Variants in SLC8A3 observed in about 807,000 individuals in gnomAD.
SLC8A3 encodes the protein solute carrier family 8 member A3, also known as sodium/calcium exchanger 3.
In SLC8A3, 37 loss-of-function variants were observed where a neutral mutation model predicts 65.4. The ratio of observed to expected loss-of-function variants is 0.57; its 90% CI spans 0.44 to 0.74. The LOEUF (loss-of-function observed/expected upper bound fraction) is 0.74. SLC8A3 is among the 30% of genes least tolerant of loss of function. The probability of loss-of-function intolerance (pLI) is 0.00; values close to 1 mark genes in which losing one functional copy is unlikely to be tolerated. For synonymous variants in SLC8A3, 461 were observed against 444.5 expected (o/e 1.04, Z -0.47); for missense variants, 1,112 against 1,172.1 (o/e 0.95, Z 0.75).
At chr14:70,108,922 C>G (rs1277297888) in intron 2 of SLC8A3, among the ~76,000 whole-genome samples, 1 of 152,162 alleles carries the variant, frequency 6.6e-6, no homozygotes, top group African/African-American at 2.4e-5. Context: ...GCCTAGACTG[C>G]TCTTTCACCA....
At chr14:70,161,214 C>T (rs1013089943) in intron 2 of SLC8A3, among the ~76,000 whole-genome samples, 7 of 126,826 alleles carry the variant, frequency 5.5e-5, no homozygotes, top group Non-Finnish European at 1.6e-5. Flanking sequence ...GGCGTGAACC[C>T]GGGAGGCAGA....
chr14:70,147,986 C>T (rs939109172), intron 2 of SLC8A3, among the ~76,000 whole-genome samples: 1 of 152,190 alleles, frequency 6.6e-6, no homozygotes, highest in Non-Finnish European at 1.5e-5. Flanking sequence ...ATTCCTGACT[C>T]AGGATGGTTC....
At chr14:70,175,754 A>C (rs1423554673) in intron 1 of SLC8A3, among the ~76,000 whole-genome samples, 3 of 108,882 alleles carry the variant, frequency 2.8e-5, no homozygotes, top group African/African-American at 3.9e-5. Flanking sequence ...TTTTTTTTTG[A>C]GAGGCAGTTT....
intron 1 of SLC8A3, among the ~76,000 whole-genome samples, chr14:70,179,673 G>C (rs1375328939): frequency 6.6e-6 from 1 of 152,204 alleles, no homozygotes; most frequent in Non-Finnish European, 1.5e-5. Flanking sequence ...CCTTCTCCCA[G>C]TCTTAGTCCT....
intron 2 of SLC8A3, among the ~76,000 whole-genome samples, chr14:70,165,245 A>G (rs1021440599): frequency 1.3e-5 from 2 of 152,224 alleles, no homozygotes; most frequent in African/African-American, 2.4e-5. Flanking sequence ...GGGATTGAGT[A>G]AGAACAGATG....
intron 2 of SLC8A3, among the ~76,000 whole-genome samples, chr14:70,102,927 AT>A (rs1892634198): frequency 3.9e-5 from 6 of 152,018 alleles, no homozygotes; most frequent in Admixed American, 6.5e-5. Flanking sequence ...TCGCTGAGAA[AT>A]AAAAAGCTCA....
In SLC8A3 at chr14:70,048,481, A is replaced by C. The variant is rs1887053058; in HGVS notation, c.2389+286T>G. The C allele has an allele frequency of 8.3e-6, 5 of 605,146 alleles. No homozygotes were observed. In the South Asian group the frequency reaches 1.0e-4, roughly 12 times the overall value. 37.5% of individuals were successfully genotyped at this position (605,146 alleles called of 1,614,324 possible). A position where few individuals can be genotyped will look rare whatever the true frequency, so the allele number is the denominator to read the frequency against. On this transcript the variant is annotated intron_variant, in intron 6 of 6. Coordinates refer to ENST00000356921, the MANE Select transcript of SLC8A3 (RefSeq NM_182932.3). The stretch of plus-strand genomic sequence containing the variant: ...TCTTTGTCTGTGAAGTGGGGATAAT[A>C]ACTTACCCTATTTAATAGGGCTTTG...
intron 2 of SLC8A3, among the ~76,000 whole-genome samples, chr14:70,133,953 A>T (rs1895023576): frequency 6.6e-6 from 1 of 152,116 alleles, no homozygotes; most frequent in Non-Finnish European, 1.5e-5. Context: ...CCCAGGGGTC[A>T]ACTTCCCCTC....
chr14:70,144,151 C>T (rs538070439), intron 2 of SLC8A3, among the ~76,000 whole-genome samples: 33 of 152,148 alleles, frequency 2.2e-4, no homozygotes, highest in Non-Finnish European at 2.9e-4. Flanking sequence ...ACCCAGACAA[C>T]GTGGATTGAA....
At chr14:70,174,662 G>T (rs79489687) in intron 1 of SLC8A3, among the ~76,000 whole-genome samples, 14,750 of 64,348 alleles carry the variant, frequency 0.23, 1,122 homozygotes, top group African/African-American at 0.34. Flanking sequence ...TTTTTTTTTT[G>T]TTTTTTTTTT....
chr14:70,130,668 G>A (rs1381493795), intron 2 of SLC8A3, among the ~76,000 whole-genome samples: 1 of 152,210 alleles, frequency 6.6e-6, no homozygotes, highest in African/African-American at 2.4e-5. Flanking sequence ...AATAACAACA[G>A]TCCATCTTGG....
chr14:70,166,585 A>C, intron 2 of SLC8A3, 54 bp downstream of exon 2: 1 of 1,024,876 alleles, frequency 9.8e-7, no homozygotes, highest in South Asian at 1.5e-5. Flanking sequence ...AAAGACAGAA[A>C]GAGATGGCAA....
intron 2 of SLC8A3, among the ~76,000 whole-genome samples, chr14:70,136,640 A>G (rs1052078389): frequency 2.0e-5 from 3 of 152,186 alleles, no homozygotes; most frequent in African/African-American, 4.8e-5. Context: ...AACCATCACC[A>G]TATCAGAGAG....
At chr14:70,132,327 T>G (rs1285751059) in intron 2 of SLC8A3, among the ~76,000 whole-genome samples, 1 of 152,206 alleles carries the variant, frequency 6.6e-6, no homozygotes, top group Non-Finnish European at 1.5e-5. Flanking sequence ...TTGCACTCTT[T>G]TAGTATTTGA....
chr14:70,148,393 T>C (rs1164695344), intron 2 of SLC8A3, among the ~76,000 whole-genome samples: 1 of 152,184 alleles, frequency 6.6e-6, no homozygotes, highest in Non-Finnish European at 1.5e-5. Flanking sequence ...TGCTTGCTTG[T>C]TTAGTTGGCA....
At position 70,167,027 on chromosome 14, in the gene SLC8A3, C is replaced by A. The variant is rs755672807; in HGVS notation, c.1396G>T (p.Val466Leu). ...KPGETQKEFS[V>L]GIIDDDIFEE... Reference sequence around the variant, plus strand: ...AAAATGTCGTCATCAATTATGCCCACGGAGAACTCCTTCTGGGTCTCTCCT... The same window carrying A: ...AAAATGTCGTCATCAATTATGCCCAAGGAGAACTCCTTCTGGGTCTCTCCT... Residue 466 changes from valine (V) to leucine (L), a missense_variant, in exon 2 of 7, where the codon GTG (valine) becomes TTG (leucine). Physicochemically the swap from Val to Leu is conservative, Grantham distance 32. Coordinates refer to ENST00000356921, the MANE Select transcript of SLC8A3 (RefSeq NM_182932.3). The A allele has an allele frequency of 3.7e-6, 6 of 1,613,820 alleles. No homozygotes were observed. Among genetic ancestry groups the A allele is most frequent in the Non-Finnish European group, 5.1e-6 (6 of 1,180,008 alleles).
chr14:70,155,392 G>A (rs553044157), intron 2 of SLC8A3, among the ~76,000 whole-genome samples: 72 of 151,764 alleles, frequency 4.7e-4, no homozygotes, highest in Middle Eastern at 6.8e-3. Flanking sequence ...ATCCTCCTTC[G>A]CATCCTCTAA....
chr14:70,155,262 AT>A (rs58308093), intron 2 of SLC8A3, among the ~76,000 whole-genome samples: 1,581 of 151,158 alleles, frequency 0.01, 23 homozygotes, highest in African/African-American at 0.028. Flanking sequence ...AATCCTGTCT[AT>A]TTTTTTTTAA....
intron 3 of SLC8A3, among the ~76,000 whole-genome samples, chr14:70,058,345 C>G (rs910523831): frequency 5.4e-5 from 7 of 129,946 alleles, no homozygotes; most frequent in African/African-American, 1.8e-4. Flanking sequence ...GGTTTTATGA[C>G]CTTTCACCTT....
Sources: allele counts gnomAD v4.1 joint callset (sites outside exome capture counted in the v4.1 genomes callset), GRCh38; gene constraint gnomAD v4.1.1; transcripts MANE v1.5; gene names NCBI Gene and HGNC (gene_info 2026-07-23, HGNC 2026-07-21).